Variants in THSD4 observed in about 807,000 individuals in gnomAD.
The protein encoded by THSD4 is thrombospondin type 1 domain containing 4, also known as thrombospondin type-1 domain-containing protein 4.
In THSD4, 69 loss-of-function variants were observed where a neutral mutation model predicts 119.0. The ratio of observed to expected loss-of-function variants is 0.58; its 90% CI spans 0.48 to 0.71. The LOEUF is 0.71. THSD4 is among the 30% of genes least tolerant of loss of function. THSD4 has a pLI of 0.00. For missense variants in THSD4, 1,393 were observed against 1,391.1 expected, an observed-to-expected ratio of 1.00 and a Z score of -0.02; for synonymous variants, 524 against 540.4, an observed-to-expected ratio of 0.97 and a Z score of 0.42.
chr15:71,512,955 G>A (rs1289220003), intron 7 of THSD4, among the ~76,000 whole-genome samples: 2 of 152,092 alleles, frequency 1.3e-5, no homozygotes, highest in African/African-American at 4.8e-5. Flanking sequence ...ATACATCTTG[G>A]TGCAGGAAGC....
chr15:71,682,439 C>T (rs2051801425), intron 8 of THSD4, among the ~76,000 whole-genome samples: 1 of 152,056 alleles, frequency 6.6e-6, no homozygotes, highest in African/African-American at 2.4e-5. Flanking sequence ...CCAGTGTCCC[C>T]TCTCTGTCAC....
chr15:71,106,885 A>T (rs753925332), intron 1 of THSD4, among the ~76,000 whole-genome samples: 3 of 152,120 alleles, frequency 2.0e-5, no homozygotes, highest in African/African-American at 4.8e-5. Flanking sequence ...AAAAAAATTT[A>T]AAAAGAGAAG....
intron 1 of THSD4, among the ~76,000 whole-genome samples, chr15:71,101,770 G>A (rs1296700076): frequency 6.6e-6 from 1 of 151,356 alleles, no homozygotes; most frequent in Admixed American, 6.6e-5. Flanking sequence ...CTAGAGTGCA[G>A]TGGCATGATC....
chr15:71,409,932 T>G (rs972908244), intron 6 of THSD4, among the ~76,000 whole-genome samples: 27 of 152,052 alleles, frequency 1.8e-4, no homozygotes, highest in Non-Finnish European at 1.6e-4. Context: ...ACTTATCTTG[T>G]CTGTTTCTTT....
intron 6 of THSD4, among the ~76,000 whole-genome samples, chr15:71,296,316 T>C (rs1419246737): frequency 6.6e-6 from 1 of 152,196 alleles, no homozygotes; most frequent in African/African-American, 2.4e-5. Context: ...TTAAAAATTG[T>C]CATTTCTGTG....
chr15:71,156,358 A>C (rs1255663632), intron 3 of THSD4, among the ~76,000 whole-genome samples: 4 of 151,970 alleles, frequency 2.6e-5, no homozygotes, highest in African/African-American at 9.7e-5. Context: ...CCTGGGTTCA[A>C]GTGATTCTTC....
intron 7 of THSD4, among the ~76,000 whole-genome samples, chr15:71,647,973 G>GT (rs1268768718): frequency 2.6e-5 from 4 of 152,256 alleles, no homozygotes; most frequent in African/African-American, 7.2e-5. Flanking sequence ...AGATATAAGC[G>GT]TATAGGTGGC....
intron 7 of THSD4, among the ~76,000 whole-genome samples, chr15:71,591,120 G>A (rs994374535): frequency 2.6e-5 from 4 of 151,356 alleles, no homozygotes; most frequent in African/African-American, 9.7e-5. Flanking sequence ...TTGTGAAAGG[G>A]CTTTTCAAAA....
intron 6 of THSD4, among the ~76,000 whole-genome samples, chr15:71,327,849 A>T (rs1208621314): frequency 6.6e-6 from 1 of 152,180 alleles, no homozygotes; most frequent in Non-Finnish European, 1.5e-5. Context: ...GCAAAAATAA[A>T]TGTGTTAACA....
chr15:71,249,831 A>T (rs2044242178), intron 5 of THSD4, among the ~76,000 whole-genome samples: 1 of 152,130 alleles, frequency 6.6e-6, no homozygotes. Flanking sequence ...GCTTCTTGAT[A>T]TATCAACTTA....
chr15:71,517,305 C>CCCTTCTCT (rs974062320), intron 7 of THSD4, among the ~76,000 whole-genome samples: 1 of 152,102 alleles, frequency 6.6e-6, no homozygotes, highest in African/African-American at 2.4e-5. Context: ...TCCCATTCTC[C>CCCTTCTCT]CCTTCTCTCC....
intron 8 of THSD4, among the ~76,000 whole-genome samples, chr15:71,720,024 T>TTTTTTTTTTC (rs2052686016): frequency 1.2e-5 from 1 of 86,004 alleles, no homozygotes; most frequent in Non-Finnish European, 1.8e-5. Context: ...AACATGTGCT[T>TTTTTTTTTTC]TTTTTTTTTT....
chr15:71,439,996 C>A (rs1237589393), intron 7 of THSD4, among the ~76,000 whole-genome samples: 3 of 151,976 alleles, frequency 2.0e-5, no homozygotes, highest in African/African-American at 7.3e-5. Flanking sequence ...CACATGTACC[C>A]CAGAACTTAA....
At chr15:71,558,533 G>T (rs2049059300) in intron 7 of THSD4, among the ~76,000 whole-genome samples, 1 of 152,082 alleles carries the variant, frequency 6.6e-6, no homozygotes, top group Admixed American at 6.6e-5. Context: ...GCAGTGGCAG[G>T]ATCACAGCTC....
intron 3 of THSD4, among the ~76,000 whole-genome samples, chr15:71,208,309 T>G (rs1476399983): frequency 6.6e-6 from 1 of 152,066 alleles, no homozygotes; most frequent in East Asian, 1.9e-4. Flanking sequence ...TAACCAACAC[T>G]TCCATAGAGC....
At chr15:71,592,854 C>G (rs1327803230) in intron 7 of THSD4, among the ~76,000 whole-genome samples, 3 of 152,054 alleles carry the variant, frequency 2.0e-5, no homozygotes, top group African/African-American at 7.2e-5. Flanking sequence ...GGACCCCATG[C>G]TGAGCTGACT....
chr15:71,369,362 T>G (rs2046011503), intron 6 of THSD4, among the ~76,000 whole-genome samples: 1 of 152,200 alleles, frequency 6.6e-6, no homozygotes, highest in African/African-American at 2.4e-5. Context: ...CTTGTGCCAG[T>G]TTTCAAAGGG....
intron 3 of THSD4, among the ~76,000 whole-genome samples, chr15:71,202,786 C>T (rs1012874120): frequency 5.3e-5 from 8 of 151,566 alleles, no homozygotes; most frequent in African/African-American, 1.5e-4. Flanking sequence ...CTGGTGGTTG[C>T]GGGGAGGGGG....
At chr15:71,193,013 G>C (rs115373030) in intron 3 of THSD4, among the ~76,000 whole-genome samples, 3,460 of 152,312 alleles carry the variant, frequency 0.023, 60 homozygotes, top group South Asian at 0.049. Flanking sequence ...AGAGAAATGA[G>C]CAGTGGGACC....
Sources: gnomAD v4.1 joint callset for allele counts (sites outside exome capture counted in the v4.1 genomes callset) on GRCh38, gnomAD v4.1.1 for gene constraint, MANE v1.5 for transcripts, NCBI Gene and HGNC (gene_info 2026-07-23, HGNC 2026-07-21) for gene names.